Variants in C6orf118 observed in about 807,000 individuals in gnomAD.
C6orf118 encodes the protein chromosome 6 open reading frame 118, also known as uncharacterized protein C6orf118.
C6orf118 carries 50 observed loss-of-function variants against 50.2 expected under a neutral mutation model. The observed-to-expected ratio is 1.00, with a 90% CI of 0.79 to 1.26. C6orf118 has a LOEUF of 1.26. Ranked by LOEUF, C6orf118 falls within the 50% of genes most tolerant of loss-of-function variation. The pLI, the probability that C6orf118 is intolerant of heterozygous loss-of-function variation, is 0.00. For missense variants in C6orf118, 641 were observed against 578.7 expected (o/e 1.11, Z -1.10); for synonymous variants, 239 against 230.9 (o/e 1.03, Z -0.32).
chr6:165,279,992 A>G lies in C6orf118; in HGVS notation c.*65T>C. On this transcript the variant is annotated 3_prime_UTR_variant, in exon 9 of 9. Coordinates refer to ENST00000230301, the MANE Select transcript of C6orf118 (RefSeq NM_144980.4). ...CTTTATGAATGTATATGCATCTGCA[A>G]ATATCCATGCTACATACATGGAAGT... is the stretch of plus-strand genomic sequence containing the variant. The G allele has an allele frequency of 6.7e-7, 1 of 1,501,928 alleles. No homozygotes were observed. Among genetic ancestry groups the G allele is most frequent in the Non-Finnish European group, 9.1e-7 (1 of 1,104,966 alleles). 93.0% of individuals were successfully genotyped at this position (1,501,928 alleles called of 1,614,324 possible). A position where few individuals can be genotyped will look rare whatever the true frequency, so the allele number is the denominator to read the frequency against.
chr6:165,299,059 T>TA (rs1780417356), intron 4 of C6orf118, among the ~76,000 whole-genome samples: 1 of 152,208 alleles, frequency 6.6e-6, no homozygotes. Flanking sequence ...TGTCACCCGT[T>TA]AAACAAAGAG....
At chr6:165,286,748 A>G (rs1583003228) in intron 7 of C6orf118, among the ~76,000 whole-genome samples, 1 of 152,280 alleles carries the variant, frequency 6.6e-6, no homozygotes, top group East Asian at 1.9e-4. Context: ...AAACTCTCAA[A>G]AAAACTAGGT....
intron 8 of C6orf118, among the ~76,000 whole-genome samples, chr6:165,280,372 T>C (rs1280779064): frequency 6.6e-6 from 1 of 152,208 alleles, no homozygotes; most frequent in Admixed American, 6.5e-5. Context: ...CATAATGATA[T>C]ACTTGAGTCC....
At chr6:165,302,714 G>A (rs1039642641) in intron 1 of C6orf118, among the ~76,000 whole-genome samples, 1 of 152,060 alleles carries the variant, frequency 6.6e-6, no homozygotes, top group Non-Finnish European at 1.5e-5. Flanking sequence ...GGTTTGGGGG[G>A]TATTCTCACT....
chr6:165,307,867 G>A (rs990888017), intron 1 of C6orf118, among the ~76,000 whole-genome samples: 6 of 152,214 alleles, frequency 3.9e-5, no homozygotes, highest in African/African-American at 7.2e-5. Flanking sequence ...CACAGAACTC[G>A]TTGCAGAACT....
intron 2 of C6orf118, among the ~76,000 whole-genome samples, chr6:165,300,729 C>G (rs747059740): frequency 3.9e-5 from 6 of 152,016 alleles, no homozygotes; most frequent in Non-Finnish European, 8.8e-5. Flanking sequence ...CTCCCTTGCT[C>G]CCCGTGCTCA....
Position 165,302,003 on chromosome 6 carries a change from C to T in C6orf118, c.319G>A (p.Glu107Lys), listed in dbSNP as rs796728376. The part of the protein sequence containing the change: ...PPAGKVARMK[E>K]ALAHFTIHTA... Reference sequence around the variant, plus strand: ...TGGATGGTGAAGTGGGCCAGGGCCTCCTTCATCCTCGCCACCTTCCCTGCG... The same window carrying T: ...TGGATGGTGAAGTGGGCCAGGGCCTTCTTCATCCTCGCCACCTTCCCTGCG... Residue 107 changes from glutamate to lysine, a missense_variant, in exon 2 of 9, where the codon GAG becomes AAG. By Grantham distance (56) the Glu-to-Lys change is moderately conservative. Transcript: ENST00000230301. 4.3e-6 allele frequency: 7 copies of T among 1,613,602 alleles called. No individual in the cohort carries two copies. The African/African-American group carries it at 5.3e-5, about 12-fold the overall frequency.
At position 165,297,969 on chromosome 6, in the gene C6orf118, T is replaced by C. The variant is rs1051152962; in HGVS notation, c.1061+8A>G. 1 of 1,613,786 alleles carries C rather than the reference T, an allele frequency of 6.2e-7. No homozygotes were observed. Among genetic ancestry groups the C allele is most frequent in the Non-Finnish European group, 8.5e-7 (1 of 1,180,030 alleles). ...AAACATAGATCAGATCCGTCCCTCA[T>C]GCCTCACCTATCATTCTGCTCCAGG... On this transcript the variant is annotated splice_region_variant and intron_variant, in intron 5 of 8. Transcript: ENST00000230301.
rs60637681 is a variant in C6orf118 at position 165,281,572 on chromosome 6, A to T, written c.1356+68T>A. Reference sequence around the variant, plus strand: ...TTACGATCAGTTGGTCATGCTTATTACACAGGACAAGCAGTCACCAGAGGA... The same window carrying T: ...TTACGATCAGTTGGTCATGCTTATTTCACAGGACAAGCAGTCACCAGAGGA... On this transcript the variant is annotated intron_variant, in intron 8 of 8. Coordinates refer to ENST00000230301, the MANE Select transcript of C6orf118 (RefSeq NM_144980.4). The T allele has an allele frequency of 5.6e-5, 81 of 1,459,030 alleles. No homozygotes were observed. The African/African-American group carries it at 1.1e-3, about 20-fold the overall frequency. 90.4% of individuals were successfully genotyped at this position (1,459,030 alleles called of 1,614,324 possible).
chr6:165,298,249 G>A, intron 4 of C6orf118, 148 bp from the exon 5 acceptor site: 1 of 1,002,722 alleles, frequency 1.0e-6, no homozygotes. Flanking sequence ...GGATTTAAGG[G>A]AGGGAGGGCC....
chr6:165,301,132 A>T (rs10080960), intron 2 of C6orf118, among the ~76,000 whole-genome samples: 7,286 of 151,998 alleles, frequency 0.048, 595 homozygotes, highest in African/African-American at 0.17. Context: ...GCCCTCCTTC[A>T]TTTCACCCAA....
rs1465857501 is a variant in C6orf118, at chr6:165,301,900, G to A, written c.422C>T (p.Thr141Ile). 1 of 1,613,858 alleles carries A rather than the reference G, an allele frequency of 6.2e-7. No individual in the cohort carries two copies. Among genetic ancestry groups the A allele is most frequent in the Admixed American group, 1.7e-5 (1 of 60,028 alleles). ...YLNPQASLSH[T>I]SEEDFLPVEA... is the part of the protein sequence containing the mutation. Reference sequence around the variant, plus strand: ...CACTGGAAGGAAATCCTCCTCTGAAGTGTGGGAAAGAGAGGCCTGGGGGTT... The same window carrying A: ...CACTGGAAGGAAATCCTCCTCTGAAATGTGGGAAAGAGAGGCCTGGGGGTT... Residue 141 changes from threonine to isoleucine, a missense_variant, in exon 2 of 9, where the codon ACT (threonine) becomes ATT (isoleucine). Physicochemically the swap from Thr to Ile is moderately conservative, Grantham distance 89. Transcript: ENST00000230301.
intron 5 of C6orf118, among the ~76,000 whole-genome samples, chr6:165,293,957 A>T (rs954241325): frequency 2.0e-5 from 3 of 152,162 alleles, no homozygotes; most frequent in Non-Finnish European, 4.4e-5. Flanking sequence ...TAAAAATAAA[A>T]TACAAGAGGC....
intron 3 of C6orf118, among the ~76,000 whole-genome samples, chr6:165,300,065 A>T (rs1397439111): frequency 6.6e-6 from 1 of 152,204 alleles, no homozygotes; most frequent in Admixed American, 6.5e-5. Flanking sequence ...TTAAATTATT[A>T]ATTTATTAGA....
At chr6:165,290,118 T>G in intron 6 of C6orf118, 51 bp from the exon 7 acceptor site, 2 of 1,099,286 alleles carry the variant, frequency 1.8e-6, no homozygotes, top group Non-Finnish European at 2.6e-6. Context: ...ATCTCAGTTA[T>G]TATTAATAGC....
chr6:165,299,256 G>A (rs1454131772), intron 4 of C6orf118, among the ~76,000 whole-genome samples, 187 bp downstream of exon 4: 1 of 152,138 alleles, frequency 6.6e-6, no homozygotes, highest in Non-Finnish European at 1.5e-5. Flanking sequence ...CCAATCAAAA[G>A]GAAAGTTCTT....
rs1780026776 is a variant in C6orf118, at chr6:165,289,321, C to G, written c.1302+565G>C. On this transcript the variant is annotated intron_variant, in intron 7 of 8. Coordinates refer to ENST00000230301, the MANE Select transcript of C6orf118 (RefSeq NM_144980.4). Reference sequence around the variant, plus strand: ...TCTGCTAAAGAGAATAAAAGTAGTGCTGGAAAAATATATTTAACTATAGAA... The same window carrying G: ...TCTGCTAAAGAGAATAAAAGTAGTGGTGGAAAAATATATTTAACTATAGAA... 3.3e-5 allele frequency among the ~76,000 whole-genome samples: 5 copies of G among 152,112 alleles called. No homozygotes were observed. In the South Asian group the frequency reaches 1.0e-3, roughly 32 times the overall value.
At chr6:165,301,379 ACACTGCACCGAGAG>A (rs1173728157) in intron 2 of C6orf118, among the ~76,000 whole-genome samples, 176 bp downstream of exon 2, 3 of 143,772 alleles carry the variant, frequency 2.1e-5, no homozygotes, top group Non-Finnish European at 4.6e-5. Context: ...TGCACCGAGA[ACACTGCACCGAGAG>A]CACTGCACAG....
chr6:165,287,271 A>G (rs1779942929), intron 7 of C6orf118, among the ~76,000 whole-genome samples: 1 of 152,194 alleles, frequency 6.6e-6, no homozygotes, highest in Non-Finnish European at 1.5e-5. Flanking sequence ...TACTCAAGGA[A>G]ATCAGAGAGG....
Sources: allele counts gnomAD v4.1 joint callset (sites outside exome capture counted in the v4.1 genomes callset), GRCh38; gene constraint gnomAD v4.1.1; transcripts MANE v1.5; gene names NCBI Gene and HGNC (gene_info 2026-07-23, HGNC 2026-07-21).